Variants in SLC9C2 observed in about 807,000 individuals in gnomAD.
The protein encoded by SLC9C2 is solute carrier family 9 member C2 (putative), also known as sodium/hydrogen exchanger 11.
A neutral mutation model predicts 140.2 loss-of-function variants in SLC9C2; 75 were observed. The ratio of observed to expected loss-of-function variants is 0.53; its 90% CI spans 0.44 to 0.65. The LOEUF is 0.65. Among genes scored for constraint, SLC9C2 ranks in the 30% least tolerant of loss-of-function variants. The pLI, the probability that SLC9C2 is intolerant of heterozygous loss-of-function variation, is 0.00. For synonymous variants in SLC9C2, 375 were observed against 420.9 expected (o/e 0.89, Z 1.34); for missense variants, 1,074 against 1,331.8 (o/e 0.81, Z 3.01).
intron 9 of SLC9C2, among the ~76,000 whole-genome samples, chr1:173,568,386 G>A (rs2102159126): frequency 6.9e-6 from 1 of 145,614 alleles, no homozygotes. Flanking sequence ...GTAGTGTTTG[G>A]TTTTCTGTTC....
intron 7 of SLC9C2, among the ~76,000 whole-genome samples, chr1:173,577,027 A>G (rs552151950): frequency 6.6e-6 from 1 of 152,366 alleles, no homozygotes; most frequent in African/African-American, 2.4e-5. Context: ...AAAAGCAGCC[A>G]TAGATAATAT....
intron 9 of SLC9C2, among the ~76,000 whole-genome samples, chr1:173,562,922 A>G (rs1664209909): frequency 6.6e-6 from 1 of 152,116 alleles, no homozygotes; most frequent in Non-Finnish European, 1.5e-5. Flanking sequence ...TAACTATACA[A>G]GTAAGTATTC....
intron 9 of SLC9C2, chr1:173,571,552 A>G (rs1369661314): frequency 1.3e-5 from 2 of 151,684 alleles, no homozygotes; most frequent in Non-Finnish European, 2.9e-5. Flanking sequence ...GGCACATCCA[A>G]CTTCCTCACC....
intron 9 of SLC9C2, among the ~76,000 whole-genome samples, chr1:173,569,704 T>A (rs1664720257): frequency 6.6e-6 from 1 of 152,058 alleles, no homozygotes; most frequent in South Asian, 2.1e-4. Context: ...GACTAATTCT[T>A]TCTTCTCAAG....
At chr1:173,511,510 T>A (rs1660055436) in intron 23 of SLC9C2, among the ~76,000 whole-genome samples, 1 of 152,054 alleles carries the variant, frequency 6.6e-6, no homozygotes, top group African/African-American at 2.4e-5. Flanking sequence ...TTTGATGGGG[T>A]TTTTCTTGTA....
chr1:173,601,955 T>C (rs894517276), intron 1 of SLC9C2, 100 bp from the exon 2 acceptor site: 1 of 722,338 alleles, frequency 1.4e-6, no homozygotes, highest in Non-Finnish European at 2.3e-6. Context: ...AACATGTCTC[T>C]TCTTGTCACA....
intron 21 of SLC9C2, among the ~76,000 whole-genome samples, chr1:173,523,599 T>C (rs1161954653): frequency 6.6e-6 from 1 of 152,216 alleles, no homozygotes; most frequent in Non-Finnish European, 1.5e-5. Context: ...TATGCCCAAT[T>C]GGCTTTACTT....
In SLC9C2 at chr1:173,544,810, G is replaced by C. The variant is rs576141570; in HGVS notation, c.1557+2879C>G. 4.6e-5 allele frequency among the ~76,000 whole-genome samples: 7 copies of C among 152,240 alleles called. No individual in the cohort carries two copies. In the East Asian group the frequency reaches 1.4e-3, roughly 29 times the overall value. On this transcript the variant is annotated intron_variant, in intron 13 of 27. Coordinates refer to ENST00000367714, the MANE Select transcript of SLC9C2 (RefSeq NM_178527.4). ...CTCATAGGTGGGAGTTGAACAATGA[G>C]AACACTTGGACACAGGGCGGGGAAC...
intron 4 of SLC9C2, among the ~76,000 whole-genome samples, chr1:173,589,152 A>G (rs2102243313): frequency 6.6e-6 from 1 of 152,316 alleles, no homozygotes; most frequent in Middle Eastern, 3.4e-3. Context: ...GTTATCTTTC[A>G]TACTGGTTCA....
chr1:173,577,548 A>G (rs1276131459), intron 7 of SLC9C2, among the ~76,000 whole-genome samples: 2 of 152,210 alleles, frequency 1.3e-5, no homozygotes, highest in African/African-American at 4.8e-5. Flanking sequence ...AAAGGAAGAC[A>G]AAGAACATGA....
chr1:173,587,534 T>C, intron 5 of SLC9C2, 131 bp downstream of exon 5: 1 of 843,878 alleles, frequency 1.2e-6, no homozygotes, highest in Non-Finnish European at 1.8e-6. Flanking sequence ...GTGCTCTACC[T>C]CTCAAGGTGA....
intron 2 of SLC9C2, 84 bp downstream of exon 2, chr1:173,601,566 A>T: frequency 6.8e-7 from 1 of 1,469,634 alleles, no homozygotes. Flanking sequence ...CCTTCTTTTG[A>T]TGTTATGTAG....
Position 173,581,887 on chromosome 1 carries a change from G to T in SLC9C2, c.762C>A (p.Ile254=), listed in dbSNP as rs1665556563. The T allele has an allele frequency of 6.3e-7, 1 of 1,597,496 alleles. No individual in the cohort carries two copies. Among genetic ancestry groups the T allele is most frequent in the Non-Finnish European group, 8.5e-7 (1 of 1,169,752 alleles). The change falls in exon 7 of 28, where the codon ATC becomes ATA. Residue 254 remains isoleucine (I), a synonymous_variant. Transcript: ENST00000367714. ...TGTACACCATTGAAAAGCAGAGAAT[G>T]ATATTAGTCAGCATATTGCTAAAAA... ...ADVFSNMLTN[I]ILCFSMVYMT...
intron 23 of SLC9C2, among the ~76,000 whole-genome samples, chr1:173,513,203 C>T (rs112887528): frequency 0.02 from 3,074 of 152,212 alleles, 101 homozygotes; most frequent in African/African-American, 0.069. Context: ...GGTGTCCCAC[C>T]TTTTCAACTC....
In SLC9C2 at chr1:173,554,808, G is replaced by A; in HGVS notation, c.1222C>T (p.Leu408Phe). The change falls in exon 11 of 28, where the codon CTC becomes TTC. Residue 408 changes from leucine (L) to phenylalanine (F), a missense_variant. By Grantham distance (22) the Leu-to-Phe change is conservative (BLOSUM62 0). Transcript: ENST00000367714. ...AATAATGATATTACTTGTACATAGA[G>A]TATAAACTAAAAACAAAGCACATAA... is the stretch of plus-strand genomic sequence containing the variant. ...RKVEVPQMFI[L>F]YVQVISLLTM... The A allele has an allele frequency of 6.4e-7, 1 of 1,571,734 alleles. No individual in the cohort carries two copies. The highest frequency in any genetic ancestry group is 2.2e-5 in the East Asian group (1 of 44,540).
chr1:173,579,302 A>AT (rs1665377742), intron 7 of SLC9C2, among the ~76,000 whole-genome samples: 1 of 152,152 alleles, frequency 6.6e-6, no homozygotes, highest in South Asian at 2.1e-4. Flanking sequence ...AAAGTTGTTA[A>AT]TTTTTTAGTA....
intron 22 of SLC9C2, among the ~76,000 whole-genome samples, chr1:173,518,529 T>G (rs563498393): frequency 6.6e-6 from 1 of 152,092 alleles, no homozygotes; most frequent in Non-Finnish European, 1.5e-5. Context: ...AGGATGAACA[T>G]AGGATGGTTG....
intron 24 of SLC9C2, among the ~76,000 whole-genome samples, chr1:173,508,437 A>G (rs1199709793): frequency 6.6e-6 from 1 of 152,148 alleles, no homozygotes; most frequent in Non-Finnish European, 1.5e-5. Flanking sequence ...GTCAAGTCTG[A>G]GTCCATACAG....
chr1:173,525,815 C>T lies in SLC9C2; in HGVS notation c.2365+848G>A, dbSNP rs185794754. Among the ~76,000 whole-genome samples the T allele has an allele frequency of 2.0e-4, 30 of 152,300 alleles. 1 individual carries two copies. Among genetic ancestry groups the T allele is most frequent in the Admixed American group, 1.9e-3 (29 of 15,298 alleles). ...ACATAATATAATGCAGCTGTCCTAA[C>T]CCCTAATCTTTAAAAGCACAGAAAT... On this transcript the variant is annotated intron_variant, in intron 19 of 27. Transcript: ENST00000367714.
Sources: gnomAD v4.1 joint callset for allele counts (sites outside exome capture counted in the v4.1 genomes callset) on GRCh38, gnomAD v4.1.1 for gene constraint, MANE v1.5 for transcripts, NCBI Gene and HGNC (gene_info 2026-07-23, HGNC 2026-07-21) for gene names.